ERH: variants seen among roughly 807,000 people sequenced by gnomAD.
The protein encoded by ERH is enhancer of rudimentary homolog.
In ERH, 1 loss-of-function variant was observed where a neutral mutation model predicts 16.8. The ratio of observed to expected loss-of-function variants is 0.06; its 90% CI spans 0.02 to 0.28. ERH has a LOEUF of 0.28. Among genes scored for constraint, ERH ranks in the 10% least tolerant of loss-of-function variants. The pLI is 1.00. For missense variants in ERH, 42 were observed against 127.5 expected, an observed-to-expected ratio of 0.33 and a Z score of 3.23; for synonymous variants, 43 against 43.6, an observed-to-expected ratio of 0.99 and a Z score of 0.05.
At chr14:69,397,991 A>G in intron 1 of ERH, 1 of 605,124 alleles carries the variant, frequency 1.7e-6, no homozygotes, top group Admixed American at 2.9e-5. Context: ...CCTCAGGCCC[A>G]AGGCACGCCG....
In ERH at chr14:69,396,424, G is replaced by A. The variant is rs112789907; in HGVS notation, c.4-1512C>T. On this transcript the variant is annotated intron_variant, in intron 1 of 3. Coordinates refer to ENST00000557016, the MANE Select transcript of ERH (RefSeq NM_004450.3). ...TTACAGGCATGCACCACCATGCTCGGCTAATTTTGTCTTTTTAGTAGAGAT... is the reference window on the plus strand; with the variant it reads ...TTACAGGCATGCACCACCATGCTCGACTAATTTTGTCTTTTTAGTAGAGAT... 2.5e-3 allele frequency among the ~76,000 whole-genome samples: 388 copies of A among 152,302 alleles called. 3 individuals are homozygous for A. The highest frequency in any genetic ancestry group is 4.3e-3 in the Non-Finnish European group (291 of 68,030).
At chr14:69,382,612 C>A (rs2045869098) in intron 3 of ERH, among the ~76,000 whole-genome samples, 1 of 151,440 alleles carries the variant, frequency 6.6e-6, no homozygotes, top group Non-Finnish European at 1.5e-5. Flanking sequence ...GGCAGGCGGG[C>A]CACAATGTCA....
chr14:69,391,168 C>T (rs2045921914), intron 2 of ERH, among the ~76,000 whole-genome samples: 2 of 152,076 alleles, frequency 1.3e-5, no homozygotes, highest in African/African-American at 2.4e-5. Flanking sequence ...CACACAAAAG[C>T]CTACACAGAA....
intron 1 of ERH, among the ~76,000 whole-genome samples, chr14:69,396,356 G>A (rs1882333123): frequency 6.6e-6 from 1 of 152,238 alleles, no homozygotes; most frequent in Admixed American, 6.5e-5. Flanking sequence ...CTGCTTTCCG[G>A]GTTCAAGCGA....
intron 2 of ERH, among the ~76,000 whole-genome samples, chr14:69,394,024 GA>G (rs770774291): frequency 1.6e-3 from 212 of 129,134 alleles, no homozygotes; most frequent in Admixed American, 2.0e-3. Flanking sequence ...GTGTCTTAAG[GA>G]AAAAAAAAAA....
Position 69,380,566 on chromosome 14 carries a change from C to T in ERH, c.287G>A (p.Arg96His). The T allele has an allele frequency of 6.2e-7, 1 of 1,611,988 alleles. No homozygotes were observed. The highest frequency in any genetic ancestry group is 8.5e-7 in the Non-Finnish European group (1 of 1,178,616). Residue 96 changes from arginine (R) to histidine (H), a missense_variant, in exon 4 of 4, where the codon CGT becomes CAT. Coordinates refer to ENST00000557016, the MANE Select transcript of ERH (RefSeq NM_004450.3). ...TTTCCCAGCCTGTTGGGCCTGCCGA[C>T]GAAGGAGCACGTAGATCTTCTCTTT... ...WIKEKIYVLL[R>H]RQAQQAGK is the part of the protein sequence containing the mutation.
intron 2 of ERH, among the ~76,000 whole-genome samples, chr14:69,389,024 AC>A (rs2140231811): frequency 6.6e-6 from 1 of 151,704 alleles, no homozygotes; most frequent in East Asian, 1.9e-4. Flanking sequence ...CCACAGTTAT[AC>A]TTTTTTTTTT....
intron 1 of ERH, 22 bp from the exon 2 acceptor site, chr14:69,394,934 C>T (rs1311449691): frequency 4.6e-6 from 7 of 1,521,604 alleles, no homozygotes. Context: ...AACATGATTT[C>T]AATATAAGTT....
chr14:69,387,235 T>C (rs2045897882), intron 2 of ERH, 152 bp from the exon 3 acceptor site: 2 of 606,794 alleles, frequency 3.3e-6, no homozygotes, highest in African/African-American at 1.9e-5. Flanking sequence ...CTTTTGATTA[T>C]TGCCACTAGC....
Position 69,387,103 on chromosome 14 carries a change from A to G in ERH, c.92-20T>C. ...AAACACCTAAGAAAGGATAGGAAAA[A>G]AAGCAAAATCTTACAATCGCATACA... On this transcript the variant is annotated intron_variant, in intron 2 of 3. Transcript: ENST00000557016. The G allele has an allele frequency of 1.2e-6, 2 of 1,610,414 alleles. No homozygotes were observed. Among genetic ancestry groups the G allele is most frequent in the Middle Eastern group, 1.7e-4 (1 of 6,052 alleles).
Position 69,380,532 on chromosome 14 carries a change from A to G in ERH, c.*6T>C. On this transcript the variant is annotated 3_prime_UTR_variant, in exon 4 of 4. Coordinates refer to ENST00000557016, the MANE Select transcript of ERH (RefSeq NM_004450.3). ...CACCCCAACCCCCCCAGTGCTTCCA[A>G]CACAATTATTTCCCAGCCTGTTGGG... is the stretch of plus-strand genomic sequence containing the variant. 1.3e-6 allele frequency: 2 copies of G among 1,533,234 alleles called. No homozygotes were observed. The highest frequency in any genetic ancestry group is 1.8e-6 in the Non-Finnish European group (2 of 1,107,038). 95.0% of individuals were successfully genotyped at this position (1,533,234 alleles called of 1,614,324 possible).
intron 3 of ERH, among the ~76,000 whole-genome samples, chr14:69,381,567 A>G (rs2045863787): frequency 6.6e-6 from 1 of 152,198 alleles, no homozygotes; most frequent in African/African-American, 2.4e-5. Flanking sequence ...TGGGACTGTG[A>G]GTAGTATCTA....
At chr14:69,396,784 C>T (rs566865008) in intron 1 of ERH, among the ~76,000 whole-genome samples, 6 of 152,330 alleles carry the variant, frequency 3.9e-5, no homozygotes, top group African/African-American at 1.2e-4. Context: ...TAACTCTCAC[C>T]TGTAATAACC....
chr14:69,394,792 A>G, intron 2 of ERH, 33 bp downstream of exon 2: 1 of 1,532,396 alleles, frequency 6.5e-7, no homozygotes, highest in Non-Finnish European at 8.9e-7. Flanking sequence ...TAAATGAGAC[A>G]TTTTTCTACC....
At position 69,389,244 on chromosome 14, in the gene ERH, C is replaced by A. The variant is rs1302614680; in HGVS notation, c.92-2161G>T. Among the ~76,000 whole-genome samples, 3 of 152,264 alleles carry A rather than the reference C, an allele frequency of 2.0e-5. No individual in the cohort carries two copies. In the East Asian group the frequency reaches 5.8e-4, roughly 29 times the overall value. On this transcript the variant is annotated intron_variant, in intron 2 of 3. Coordinates refer to ENST00000557016, the MANE Select transcript of ERH (RefSeq NM_004450.3). Reference sequence around the variant, plus strand: ...GTTTTGCGATTTTGGCCAGGCTGGTCTTGAACTCTTGACCTCAGGTGATCC... The same window carrying A: ...GTTTTGCGATTTTGGCCAGGCTGGTATTGAACTCTTGACCTCAGGTGATCC...
chr14:69,386,844 T>A, intron 3 of ERH, 119 bp downstream of exon 3: 1 of 849,860 alleles, frequency 1.2e-6, no homozygotes, highest in Non-Finnish European at 1.8e-6. Flanking sequence ...TACTATACAC[T>A]ATGCAAATGC....
chr14:69,391,648 G>A (rs1429332762), intron 2 of ERH, among the ~76,000 whole-genome samples: 2 of 95,508 alleles, frequency 2.1e-5, no homozygotes, highest in African/African-American at 9.0e-5. Flanking sequence ...ACTCTGTCTC[G>A]CACGCCAAAA....
chr14:69,386,900 A>C, intron 3 of ERH, 63 bp downstream of exon 3: 1 of 1,549,304 alleles, frequency 6.5e-7, no homozygotes, highest in South Asian at 1.1e-5. Flanking sequence ...ACCATAAATC[A>C]CCTCAAACAG....
intron 2 of ERH, among the ~76,000 whole-genome samples, chr14:69,392,194 G>A (rs1397078647): frequency 2.0e-5 from 3 of 146,540 alleles, no homozygotes; most frequent in Non-Finnish European, 3.0e-5. Context: ...ATCTACAGGG[G>A]AATATTTACT....
Sources: allele counts gnomAD v4.1 joint callset (sites outside exome capture counted in the v4.1 genomes callset), GRCh38; gene constraint gnomAD v4.1.1; transcripts MANE v1.5; gene names NCBI Gene and HGNC (gene_info 2026-07-23, HGNC 2026-07-21).